The following ROCK2 variants were observed in gnomAD, a reference collection of about 807,000 sequenced individuals.
The protein encoded by ROCK2 is Rho associated coiled-coil containing protein kinase 2, also known as rho-associated protein kinase 2.
ROCK2 carries 61 observed loss-of-function variants against 195.1 expected under a neutral mutation model. The observed-to-expected ratio is 0.31, with a 90% confidence interval of 0.25 to 0.39. The LOEUF is 0.39. Ranked by LOEUF, ROCK2 falls within the 10% of genes least tolerant of loss-of-function variation. The pLI is 1.00. For missense variants in ROCK2, 1,109 were observed against 1,637.4 expected, an observed-to-expected ratio of 0.68 and a Z score of 5.57; for synonymous variants, 504 against 545.5, an observed-to-expected ratio of 0.92 and a Z score of 1.06.
At chr2:11,333,972 C>A (rs984088348) in intron 1 of ROCK2, among the ~76,000 whole-genome samples, 1 of 152,172 alleles carries the variant, frequency 6.6e-6, no homozygotes, top group South Asian at 2.1e-4. Flanking sequence ...CTAATTCTTT[C>A]CAAGACAAAC....
At position 11,183,371 on chromosome 2, in the gene ROCK2, T is replaced by G; in HGVS notation, c.*66A>C. 7.1e-7 allele frequency: 1 copy of G among 1,417,928 alleles called. No individual in the cohort carries two copies. The highest frequency in any genetic ancestry group is 9.7e-7 in the Non-Finnish European group (1 of 1,026,142). 87.8% of individuals were successfully genotyped at this position (1,417,928 alleles called of 1,614,324 possible). On this transcript the variant is annotated 3_prime_UTR_variant, in exon 33 of 33. Coordinates refer to ENST00000315872, the MANE Select transcript of ROCK2 (RefSeq NM_004850.5). ...TTTTAATAAATTTTGGGCCATCATA[T>G]TTCAGTCTTGTTTTCACTGGAAGAA...
intron 1 of ROCK2, among the ~76,000 whole-genome samples, chr2:11,300,214 T>C (rs1171853399): frequency 6.6e-6 from 1 of 152,136 alleles, no homozygotes; most frequent in Non-Finnish European, 1.5e-5. Context: ...GCACCTTAAG[T>C]AGGAATAATA....
intron 1 of ROCK2, among the ~76,000 whole-genome samples, chr2:11,317,593 T>A (rs1335854057): frequency 2.8e-4 from 4 of 14,506 alleles, no homozygotes; most frequent in African/African-American, 8.7e-4. Flanking sequence ...TATATATATA[T>A]ATATATATAT....
At chr2:11,203,875 T>C (rs559788626) in intron 20 of ROCK2, among the ~76,000 whole-genome samples, 7 of 152,318 alleles carry the variant, frequency 4.6e-5, no homozygotes, top group Middle Eastern at 3.4e-3. Flanking sequence ...AGCCCACTTG[T>C]AGCAAACCAC....
chr2:11,280,899 C>A (rs1558355118), intron 3 of ROCK2, among the ~76,000 whole-genome samples: 2 of 152,054 alleles, frequency 1.3e-5, no homozygotes, highest in Non-Finnish European at 2.9e-5. Context: ...TTTCCAGAAT[C>A]ATTCTACGAG....
chr2:11,224,860 G>A (rs531991448), intron 6 of ROCK2, among the ~76,000 whole-genome samples: 13 of 152,006 alleles, frequency 8.6e-5, no homozygotes, highest in African/African-American at 3.1e-4. Context: ...CTAGAGATAT[G>A]TTATACAACA....
chr2:11,260,916 A>G (rs746081311), intron 3 of ROCK2, among the ~76,000 whole-genome samples: 2 of 152,186 alleles, frequency 1.3e-5, no homozygotes, highest in African/African-American at 2.4e-5. Flanking sequence ...GCTCCCCTCT[A>G]TGTGTTTCCA....
chr2:11,232,365 G>A (rs1665050919), intron 5 of ROCK2, among the ~76,000 whole-genome samples: 1 of 152,132 alleles, frequency 6.6e-6, no homozygotes, highest in African/African-American at 2.4e-5. Flanking sequence ...CTGGCTTCAA[G>A]CAGTCTGCCC....
At chr2:11,268,979 A>G (rs1470612470) in intron 3 of ROCK2, among the ~76,000 whole-genome samples, 2 of 152,142 alleles carry the variant, frequency 1.3e-5, no homozygotes, top group Non-Finnish European at 1.5e-5. Flanking sequence ...CAGACTCAGT[A>G]ATCTTCATTT....
chr2:11,295,699 G>A (rs1262733699), intron 1 of ROCK2, among the ~76,000 whole-genome samples: 2 of 152,142 alleles, frequency 1.3e-5, no homozygotes, highest in Non-Finnish European at 2.9e-5. Flanking sequence ...GCTCACGCCT[G>A]TAATCCCAAC....
At chr2:11,318,701 C>A (rs988999254) in intron 1 of ROCK2, among the ~76,000 whole-genome samples, 5 of 152,100 alleles carry the variant, frequency 3.3e-5, no homozygotes, top group African/African-American at 1.2e-4. Context: ...AATGGTATTG[C>A]CTAGGTTTTC....
chr2:11,307,966 C>T (rs1299448491), intron 1 of ROCK2: 9 of 1,467,504 alleles, frequency 6.1e-6, no homozygotes, highest in South Asian at 5.8e-5. Context: ...GGAAGGATGG[C>T]GCCCTAGAAC....
rs192937518 is a variant in ROCK2 at position 11,257,504 on chromosome 2, G to A, written c.325-7706C>T. On this transcript the variant is annotated intron_variant, in intron 3 of 32. Coordinates refer to ENST00000315872, the MANE Select transcript of ROCK2 (RefSeq NM_004850.5). ...ATCATTCCCAGATGAATGTGAGCAC[G>A]TACAACATGTTTTGAGTAGCCTTGC... Among the ~76,000 whole-genome samples, 169 of 151,474 alleles carry A rather than the reference G, an allele frequency of 1.1e-3. 1 individual carries two copies. Among genetic ancestry groups the A allele is most frequent in the Non-Finnish European group, 2.9e-4 (20 of 68,016 alleles).
intron 1 of ROCK2, among the ~76,000 whole-genome samples, chr2:11,301,237 G>T (rs1278668754): frequency 1.3e-5 from 2 of 151,858 alleles, no homozygotes; most frequent in Non-Finnish European, 2.9e-5. Flanking sequence ...TATAGTCCAT[G>T]TATACAAATT....
chr2:11,290,052 C>T (rs1364191486), intron 1 of ROCK2, among the ~76,000 whole-genome samples: 2 of 151,990 alleles, frequency 1.3e-5, no homozygotes, highest in African/African-American at 2.4e-5. Context: ...TTACTTGAGG[C>T]CTTTACGTTT....
chr2:11,307,786 A>AGAT (rs1036137793), intron 1 of ROCK2, among the ~76,000 whole-genome samples: 1 of 152,236 alleles, frequency 6.6e-6, no homozygotes, highest in Non-Finnish European at 1.5e-5. Context: ...AAAAACCAAC[A>AGAT]GATTGTTGCA....
intron 3 of ROCK2, among the ~76,000 whole-genome samples, chr2:11,252,458 C>T (rs974403806): frequency 1.3e-5 from 2 of 151,660 alleles, no homozygotes; most frequent in Non-Finnish European, 2.9e-5. Context: ...TGGGTATATA[C>T]CCAAAGGATT....
At chr2:11,322,544 C>T (rs1014906160) in intron 1 of ROCK2, among the ~76,000 whole-genome samples, 1 of 151,924 alleles carries the variant, frequency 6.6e-6, no homozygotes, top group Non-Finnish European at 1.5e-5. Context: ...TGGTGACTGC[C>T]ACCATTCTTA....
chr2:11,281,619 A>T (rs1000823115), intron 3 of ROCK2, among the ~76,000 whole-genome samples: 3 of 152,248 alleles, frequency 2.0e-5, no homozygotes, highest in African/African-American at 7.2e-5. Context: ...ATATGAAATT[A>T]AATTCCTCTA....
Sources: gnomAD v4.1 joint callset for allele counts (sites outside exome capture counted in the v4.1 genomes callset) on GRCh38, gnomAD v4.1.1 for gene constraint, MANE v1.5 for transcripts, NCBI Gene and HGNC (gene_info 2026-07-23, HGNC 2026-07-21) for gene names.